The following ADGRL3 variants were observed in gnomAD, a reference collection of about 807,000 sequenced individuals.
ADGRL3 encodes the protein calcium-independent alpha-latrotoxin receptor 3.
In ADGRL3, 62 loss-of-function variants were observed where a neutral mutation model predicts 153.5. The observed-to-expected ratio is 0.40, with a 90% CI of 0.33 to 0.50. ADGRL3 has a LOEUF of 0.50. Among genes scored for constraint, ADGRL3 ranks in the 20% least tolerant of loss-of-function variants. The pLI is 0.47. For synonymous variants in ADGRL3, 710 were observed against 672.5 expected (o/e 1.06, Z -0.86); for missense variants, 1,641 against 1,859.4 (o/e 0.88, Z 2.16).
At chr4:61,502,046 T>C (rs551693028) in intron 3 of ADGRL3, among the ~76,000 whole-genome samples, 2 of 152,324 alleles carry the variant, frequency 1.3e-5, no homozygotes, top group East Asian at 3.9e-4. Context: ...TGCTCTGTAC[T>C]ACTGTAGTGT....
rs1345574355 is a variant in ADGRL3 at position 62,035,301 on chromosome 4, A to G, written c.3592-2430A>G. 2.0e-5 allele frequency among the ~76,000 whole-genome samples: 3 copies of G among 152,048 alleles called. No homozygotes were observed. The East Asian group carries it at 5.8e-4, about 29-fold the overall frequency. The stretch of plus-strand genomic sequence containing the variant: ...TGTTGGAAAATGCAAATAGCCCACG[A>G]TGAATTATTGTGGCTTAAACAATAT... On this transcript the variant is annotated intron_variant, in intron 23 of 26. Coordinates refer to ENST00000683033, the MANE Select transcript of ADGRL3 (RefSeq NM_001387552.1).
Position 61,202,426 on chromosome 4 carries a change from G to A in ADGRL3, c.-240+661G>A, listed in dbSNP as rs1735157116. On this transcript the variant is annotated intron_variant, in intron 1 of 26. Coordinates refer to ENST00000683033, the MANE Select transcript of ADGRL3 (RefSeq NM_001387552.1). The surrounding 1 kb of genome is among the most constrained non-coding windows in gnomAD (Gnocchi z 5.0). ...AGTTTGGTTTAGACCTGCGTGCCCA[G>A]GCTTTGTTAGGCGGTTTTGGCTGGA... Among the ~76,000 whole-genome samples the A allele has an allele frequency of 6.6e-6, 1 of 152,184 alleles. No individual in the cohort carries two copies. The highest frequency in any genetic ancestry group is 1.5e-5 in the Non-Finnish European group (1 of 68,026).
intron 20 of ADGRL3, among the ~76,000 whole-genome samples, chr4:61,996,571 G>T (rs1395044514): frequency 6.6e-6 from 1 of 152,126 alleles, no homozygotes; most frequent in Non-Finnish European, 1.5e-5. Flanking sequence ...ATATTCATTT[G>T]CAAAAGCTTA....
At chr4:61,425,048 A>G (rs2097259575) in intron 2 of ADGRL3, among the ~76,000 whole-genome samples, 1 of 152,128 alleles carries the variant, frequency 6.6e-6, no homozygotes, top group Non-Finnish European at 1.5e-5. Flanking sequence ...CAGGGGGCAC[A>G]AAGTCCATTG....
At chr4:61,862,385 G>A (rs148274750) in intron 9 of ADGRL3, among the ~76,000 whole-genome samples, 2 of 152,300 alleles carry the variant, frequency 1.3e-5, no homozygotes, top group Non-Finnish European at 1.5e-5. Context: ...CAAATCACAG[G>A]CATTGGAACG....
chr4:61,455,721 A>G (rs1187495207), intron 2 of ADGRL3, among the ~76,000 whole-genome samples: 3 of 152,060 alleles, frequency 2.0e-5, no homozygotes, highest in Admixed American at 1.3e-4. Context: ...GTATTATTAT[A>G]TTAATAATCT....
intron 8 of ADGRL3, among the ~76,000 whole-genome samples, chr4:61,805,261 A>G (rs1224034082): frequency 1.3e-5 from 2 of 152,060 alleles, no homozygotes; most frequent in African/African-American, 4.8e-5. Context: ...TGCCTTCAAC[A>G]TGCTTTCTTA....
intron 5 of ADGRL3, among the ~76,000 whole-genome samples, chr4:61,637,475 C>G (rs770261449): frequency 1.3e-5 from 2 of 152,060 alleles, no homozygotes; most frequent in Non-Finnish European, 2.9e-5. Context: ...AGTAAAAGGT[C>G]AGTAGAGGCC....
At chr4:61,670,301 T>C (rs1439860061) in intron 5 of ADGRL3, among the ~76,000 whole-genome samples, 1 of 152,058 alleles carries the variant, frequency 6.6e-6, no homozygotes, top group Non-Finnish European at 1.5e-5. Flanking sequence ...CAAAAATATA[T>C]ATATATATTA....
Position 61,497,222 on chromosome 4 carries a change from A to T in ADGRL3, c.-72A>T. ...AGTCTTGGAATACAGAAGAGAAACT[A>T]GAAATATACGTATTTTGTTTCACAT... On this transcript the variant is annotated 5_prime_UTR_variant, in exon 3 of 27. Transcript: ENST00000683033. 1.2e-6 allele frequency: 1 copy of T among 858,126 alleles called. No homozygotes were observed. The highest frequency in any genetic ancestry group is 1.9e-6 in the Non-Finnish European group (1 of 533,624). 53.2% of individuals were successfully genotyped at this position (858,126 alleles called of 1,614,324 possible). A position where few individuals can be genotyped will look rare whatever the true frequency, so the allele number is the denominator to read the frequency against.
At chr4:61,405,920 G>A (rs2096989267) in intron 2 of ADGRL3, among the ~76,000 whole-genome samples, 1 of 151,978 alleles carries the variant, frequency 6.6e-6, no homozygotes, top group Admixed American at 6.6e-5. Flanking sequence ...CTCTTTGCCA[G>A]ATGTGACTTA....
intron 1 of ADGRL3, among the ~76,000 whole-genome samples, chr4:61,338,602 C>T (rs528652870): frequency 6.6e-6 from 1 of 152,168 alleles, no homozygotes; most frequent in Admixed American, 6.5e-5. Flanking sequence ...TGAGACTCTG[C>T]TCACAAACTG....
intron 2 of ADGRL3, among the ~76,000 whole-genome samples, chr4:61,432,754 A>G (rs548719500): frequency 3.6e-4 from 54 of 150,300 alleles, no homozygotes; most frequent in Non-Finnish European, 5.9e-4. Flanking sequence ...CTTGGGTTCA[A>G]GTGATTCCCC....
At chr4:62,068,526 T>C (rs1246877056) in intron 26 of ADGRL3, among the ~76,000 whole-genome samples, 1 of 152,132 alleles carries the variant, frequency 6.6e-6, no homozygotes, top group African/African-American at 2.4e-5. Flanking sequence ...GTGCAACATA[T>C]CCACTTTATT....
chr4:62,068,143 C>A, intron 25 of ADGRL3, 23 bp from the exon 26 acceptor site: 1 of 1,541,636 alleles, frequency 6.5e-7, no homozygotes, highest in Non-Finnish European at 8.7e-7. Flanking sequence ...TTTTTCTTTC[C>A]TTTTCTTCAT....
chr4:61,215,437 CTCTCCTGGGTTTTAGTT>C, intron 1 of ADGRL3, among the ~76,000 whole-genome samples: 1 of 151,924 alleles, frequency 6.6e-6, no homozygotes, highest in East Asian at 1.9e-4. Flanking sequence ...GAAAGCCAGA[CTCTCCTGGGTTTTAGTT>C]TCCTTAAAAA....
intron 9 of ADGRL3, among the ~76,000 whole-genome samples, chr4:61,848,558 A>G (rs956031748): frequency 3.9e-5 from 6 of 152,042 alleles, no homozygotes; most frequent in East Asian, 3.9e-4. Context: ...TACGAAGACC[A>G]TATTTCCAAA....
At chr4:61,437,512 A>G (rs1023321233) in intron 2 of ADGRL3, among the ~76,000 whole-genome samples, 2 of 152,088 alleles carry the variant, frequency 1.3e-5, no homozygotes, top group Non-Finnish European at 2.9e-5. Flanking sequence ...ACAGTTTTAT[A>G]TGTGTGATTT....
intron 5 of ADGRL3, among the ~76,000 whole-genome samples, chr4:61,653,534 A>G (rs1325679386): frequency 6.6e-6 from 1 of 152,176 alleles, no homozygotes; most frequent in Non-Finnish European, 1.5e-5. Flanking sequence ...GGAAAAGTCC[A>G]GGGTTTAACT....
Sources: allele counts gnomAD v4.1 joint callset (sites outside exome capture counted in the v4.1 genomes callset), GRCh38; gene constraint gnomAD v4.1.1; non-coding constraint Gnocchi (gnomAD v3.1); transcripts MANE v1.5; gene names NCBI Gene and HGNC (gene_info 2026-07-23, HGNC 2026-07-21).